DHRS7C: variants seen among roughly 807,000 people sequenced by gnomAD.
DHRS7C encodes the protein dehydrogenase/reductase SDR family member 7C.
Under a neutral mutation model 29.6 loss-of-function variants are expected in DHRS7C, and 28 were observed. The observed-to-expected ratio is 0.95, with a 90% CI of 0.70 to 1.30. The LOEUF is 1.30. Ranked by LOEUF, DHRS7C falls within the 50% of genes most tolerant of loss-of-function variation. The pLI, the probability that DHRS7C is intolerant of heterozygous loss-of-function variation, is 0.00. For missense variants in DHRS7C, 403 were observed against 393.3 expected, an observed-to-expected ratio of 1.02 and a Z score of -0.21; for synonymous variants, 158 against 160.2, an observed-to-expected ratio of 0.99 and a Z score of 0.10.
intron 1 of DHRS7C, among the ~76,000 whole-genome samples, chr17:9,789,052 T>G (rs1434063232): frequency 1.3e-5 from 2 of 152,082 alleles, no homozygotes; most frequent in East Asian, 1.9e-4. Context: ...GAATGAGGTG[T>G]TTTAAAAATG....
In DHRS7C at chr17:9,791,424, T is replaced by G. The variant is rs955760341; in HGVS notation, c.-140A>C. 4.6e-6 allele frequency: 4 copies of G among 874,582 alleles called. No homozygotes were observed. In the Admixed American group the frequency reaches 1.2e-4, roughly 27 times the overall value. The allele number at this position is 874,582 out of a possible 1,614,324, so 54.2% of individuals were successfully genotyped here. On this transcript the variant is annotated 5_prime_UTR_variant, in exon 1 of 6. Transcript: ENST00000571134. ...CTCCAAGCTGAACACCCAGTGGGCG[T>G]GCTAATCCCCAAATGTTCAACAAAT...
rs1159630903 is a variant in DHRS7C, at chr17:9,779,692, C to T, written c.478+133G>A. ...ACAATGGGAATGGTGAAAGCTTTCA[C>T]CCAATAGGTAGGGAATTTTCTGAGG... is the stretch of plus-strand genomic sequence containing the variant. On this transcript the variant is annotated intron_variant, in intron 3 of 5. Coordinates refer to ENST00000571134, the MANE Select transcript of DHRS7C (RefSeq NM_001105571.3). 4.6e-6 allele frequency: 4 copies of T among 878,030 alleles called. No individual in the cohort carries two copies. The Admixed American group carries it at 1.1e-4, about 24-fold the overall frequency. 54.4% of individuals were successfully genotyped at this position (878,030 alleles called of 1,614,324 possible). A position where few individuals can be genotyped will look rare whatever the true frequency, so the allele number is the denominator to read the frequency against.
At chr17:9,779,763 A>C in intron 3 of DHRS7C, 62 bp downstream of exon 3, 1 of 1,508,934 alleles carries the variant, frequency 6.6e-7, no homozygotes, top group East Asian at 2.4e-5. Flanking sequence ...CTGGCTAATT[A>C]ACAGAGGCCT....
At chr17:9,783,574 T>C (rs1205806516) in intron 1 of DHRS7C, among the ~76,000 whole-genome samples, 3 of 152,210 alleles carry the variant, frequency 2.0e-5, no homozygotes, top group Non-Finnish European at 4.4e-5. Flanking sequence ...AGTTCAAGTC[T>C]AGATAGAAAT....
In DHRS7C at chr17:9,771,659, T is replaced by C. The variant is rs11655932; in HGVS notation, c.765A>G (p.Val255=). The change falls in exon 6 of 6, where the codon GTA becomes GTG. Residue 255 remains valine, a synonymous_variant. Coordinates refer to ENST00000571134, the MANE Select transcript of DHRS7C (RefSeq NM_001105571.3). ...FRKLTYGVHP[V]EVAEEVMRTV... The stretch of plus-strand genomic sequence containing the variant: ...TGCGCATCACCTCCTCCGCCACCTC[T>C]ACTGGGTGCACGCCGTAGGTCAGCT... The C allele has an allele frequency of 0.085, 134,272 of 1,576,310 alleles. 6,323 individuals are homozygous for C. Among genetic ancestry groups the C allele is most frequent in the Non-Finnish European group, 0.096 (111,436 of 1,158,974 alleles).
rs890721544 is a variant in DHRS7C at position 9,775,851 on chromosome 17, T to C, written c.571+1342A>G. On this transcript the variant is annotated intron_variant, in intron 4 of 5. Coordinates refer to ENST00000571134, the MANE Select transcript of DHRS7C (RefSeq NM_001105571.3). The surrounding 1 kb of genome is among the most constrained non-coding windows in gnomAD (Gnocchi z 4.2). ...GAGATATTTAAAGAGGTGATTAATA[T>C]AAAATGAGGGCATTAGGCTGCGTCC... is the stretch of plus-strand genomic sequence containing the variant. Among the ~76,000 whole-genome samples the C allele has an allele frequency of 6.6e-6, 1 of 152,138 alleles. No individual in the cohort carries two copies. The highest frequency in any genetic ancestry group is 2.4e-5 in the African/African-American group (1 of 41,426).
At chr17:9,778,292 G>C (rs895931519) in intron 3 of DHRS7C, among the ~76,000 whole-genome samples, 1 of 151,984 alleles carries the variant, frequency 6.6e-6, no homozygotes, top group Non-Finnish European at 1.5e-5. Flanking sequence ...TACTCAGGAG[G>C]CTGAGGCAGG....
chr17:9,780,947 G>A (rs373122734), intron 2 of DHRS7C, among the ~76,000 whole-genome samples: 18 of 152,144 alleles, frequency 1.2e-4, no homozygotes, highest in South Asian at 8.3e-4. Context: ...ACTTACCTCC[G>A]AATTACTTTG....
chr17:9,790,464 C>A (rs1256316570), intron 1 of DHRS7C, among the ~76,000 whole-genome samples: 6 of 152,140 alleles, frequency 3.9e-5, no homozygotes, highest in Non-Finnish European at 7.4e-5. Flanking sequence ...AATGCAAATG[C>A]CTTCAATGCC....
chr17:9,775,075 G>A lies in DHRS7C; in HGVS notation c.571+2118C>T, dbSNP rs1160880439. 6.6e-6 allele frequency among the ~76,000 whole-genome samples: 1 copy of A among 152,182 alleles called. No homozygotes were observed. The highest frequency in any genetic ancestry group is 1.5e-5 in the Non-Finnish European group (1 of 68,040). On this transcript the variant is annotated intron_variant, in intron 4 of 5. Transcript: ENST00000571134. The surrounding 1 kb of genome is among the most constrained non-coding windows in gnomAD (Gnocchi z 4.2). ...CGGGTCAGTGGCCAAAGCGCCCATTGTCATGCCCATGTCTCATTATATTAT... is the reference window on the plus strand; with the variant it reads ...CGGGTCAGTGGCCAAAGCGCCCATTATCATGCCCATGTCTCATTATATTAT...
chr17:9,787,898 C>CGG lies in DHRS7C; in HGVS notation c.154+3231_154+3232dup, dbSNP rs199921800. Among the ~76,000 whole-genome samples the CGG allele has an allele frequency of 5.3e-5, 8 of 152,074 alleles. No individual in the cohort carries two copies. In the East Asian group the frequency reaches 1.6e-3, roughly 30 times the overall value. ...AAGTTTTACATTTTCTGTAGATATG[C>CGG]GGGGGTCTTACTATGTTGCCCAGGC... On this transcript the variant is annotated intron_variant, in intron 1 of 5. Transcript: ENST00000571134.
chr17:9,783,332 G>A (rs1239853608), intron 1 of DHRS7C, among the ~76,000 whole-genome samples: 1 of 152,156 alleles, frequency 6.6e-6, no homozygotes, highest in South Asian at 2.1e-4. Flanking sequence ...GAGGCTGTCC[G>A]TGATGAGTCT....
chr17:9,772,248 T>C (rs900035009), intron 5 of DHRS7C, among the ~76,000 whole-genome samples: 3 of 152,170 alleles, frequency 2.0e-5, no homozygotes, highest in African/African-American at 7.2e-5. Context: ...GAGATAGGTA[T>C]TGCTATTATC....
At position 9,781,635 on chromosome 17, in the gene DHRS7C, A is replaced by G. The variant is rs747330786; in HGVS notation, c.155-41T>C. 1.1e-5 allele frequency: 18 copies of G among 1,593,314 alleles called. 1 individual carries two copies. The Middle Eastern group carries it at 6.0e-4, about 53-fold the overall frequency. ...AAACAGGGCAGGGCACACTGTGTGGATGGAGCCACTGACAGTGAACCCCCT... is the reference window on the plus strand; with the variant it reads ...AAACAGGGCAGGGCACACTGTGTGGGTGGAGCCACTGACAGTGAACCCCCT... On this transcript the variant is annotated intron_variant, in intron 1 of 5. Transcript: ENST00000571134.
chr17:9,789,724 G>A (rs944750214), intron 1 of DHRS7C, among the ~76,000 whole-genome samples: 6 of 152,166 alleles, frequency 3.9e-5, no homozygotes, highest in Admixed American at 1.3e-4. Context: ...ACAAAGGTGC[G>A]CTATTTGGAG....
chr17:9,772,464 G>C (rs908378206), intron 5 of DHRS7C, among the ~76,000 whole-genome samples: 14 of 152,140 alleles, frequency 9.2e-5, no homozygotes, highest in African/African-American at 2.9e-4. Context: ...CCGAATCCAG[G>C]CCATGACATC....
At position 9,775,046 on chromosome 17, in the gene DHRS7C, T is replaced by C. The variant is rs114303563; in HGVS notation, c.572-2124A>G. On this transcript the variant is annotated intron_variant, in intron 4 of 5. Transcript: ENST00000571134. The surrounding 1 kb of genome is among the most constrained non-coding windows in gnomAD (Gnocchi z 4.2). ...TCCCAGGAAACTCGTGCATTTGTCCTATACGGGTCAGTGGCCAAAGCGCCC... is the reference window on the plus strand; with the variant it reads ...TCCCAGGAAACTCGTGCATTTGTCCCATACGGGTCAGTGGCCAAAGCGCCC... Among the ~76,000 whole-genome samples the C allele has an allele frequency of 4.4e-3, 666 of 152,340 alleles. 3 individuals are homozygous for C. Among genetic ancestry groups the C allele is most frequent in the African/African-American group, 0.015 (635 of 41,576 alleles).
At chr17:9,789,461 C>G (rs1456526196) in intron 1 of DHRS7C, among the ~76,000 whole-genome samples, 1 of 152,172 alleles carries the variant, frequency 6.6e-6, no homozygotes, top group Non-Finnish European at 1.5e-5. Context: ...AAGCATTGAG[C>G]TAGGTGCTGA....
rs1422613364 is a variant in DHRS7C, at chr17:9,791,472, C to T, written c.-188G>A. On this transcript the variant is annotated 5_prime_UTR_variant, in exon 1 of 6. Coordinates refer to ENST00000571134, the MANE Select transcript of DHRS7C (RefSeq NM_001105571.3). ...AATAGGAAGTTACTCACAGTGTCTC[C>T]GAAAGCAGACCGAATCCAGGGGGCC... Among the ~76,000 whole-genome samples, 1 of 152,324 alleles carries T rather than the reference C, an allele frequency of 6.6e-6. No homozygotes were observed. The highest frequency in any genetic ancestry group is 1.9e-4 in the East Asian group (1 of 5,190).
Sources: allele counts gnomAD v4.1 joint callset (sites outside exome capture counted in the v4.1 genomes callset), GRCh38; gene constraint gnomAD v4.1.1; non-coding constraint Gnocchi (gnomAD v3.1); transcripts MANE v1.5; gene names NCBI Gene and HGNC (gene_info 2026-07-23, HGNC 2026-07-21).